The following FHIT variants were observed in gnomAD, a reference collection of about 807,000 sequenced individuals.
The protein encoded by FHIT is fragile histidine triad diadenosine triphosphatase, also known as bis(5'-adenosyl)-triphosphatase.
FHIT carries 19 observed loss-of-function variants against 17.9 expected under a neutral mutation model. The observed-to-expected ratio is 1.06, with a 90% CI of 0.74 to 1.56. The LOEUF (loss-of-function observed/expected upper bound fraction) is 1.56, where lower values mean the gene tolerates loss of function less well. Among genes scored for constraint, FHIT ranks in the 40% most tolerant of loss-of-function variants. The pLI, the probability that FHIT is intolerant of heterozygous loss-of-function variation, is 0.00. For missense variants in FHIT, 248 were observed against 189.2 expected, an observed-to-expected ratio of 1.31 and a Z score of -1.82; for synonymous variants, 81 against 69.7, an observed-to-expected ratio of 1.16 and a Z score of -0.81.
rs2036002814 is a variant in FHIT at position 60,536,890 on chromosome 3, G to A, written c.73C>T (p.Leu25Phe). 4 of 1,610,400 alleles carry A rather than the reference G, an allele frequency of 2.5e-6. No individual in the cohort carries two copies. The highest frequency in any genetic ancestry group is 2.2e-5 in the East Asian group (1 of 44,766). The stretch of plus-strand genomic sequence containing the variant: ...GGTACCACAGGTTTCCTATTCACAA[G>A]AGCGAAGGACAGTTCTGTTTTGAGA... ...VFLKTELSFALVNRKPVVPGH... is the reference protein window; with the variant it reads ...VFLKTELSFAFVNRKPVVPGH... The change falls in exon 5 of 10, where the codon CTT becomes TTT. Residue 25 changes from leucine (L) to phenylalanine (F), a missense_variant. By Grantham distance (22) the Leu-to-Phe change is conservative (BLOSUM62 0). Coordinates refer to ENST00000492590, the MANE Select transcript of FHIT (RefSeq NM_002012.4).
intron 5 of FHIT, among the ~76,000 whole-genome samples, chr3:60,297,970 G>T (rs1030625424): frequency 6.6e-6 from 1 of 152,058 alleles, no homozygotes; most frequent in Admixed American, 6.6e-5. Flanking sequence ...TCATGTTCAA[G>T]AAATTTGGTA....
intron 3 of FHIT, among the ~76,000 whole-genome samples, chr3:60,826,797 T>G (rs1383331065): frequency 9.0e-6 from 1 of 111,430 alleles, no homozygotes; most frequent in Admixed American, 9.1e-5. Flanking sequence ...AACACACATT[T>G]ACAGACAAAG....
chr3:60,243,140 G>A (rs1231690169), intron 5 of FHIT, among the ~76,000 whole-genome samples: 2 of 151,868 alleles, frequency 1.3e-5, no homozygotes, highest in Admixed American at 6.6e-5. Flanking sequence ...TTCGCCTTTG[G>A]GAGGGTGGTC....
intron 5 of FHIT, among the ~76,000 whole-genome samples, chr3:60,261,558 C>T (rs1026317621): frequency 4.6e-5 from 7 of 151,956 alleles, no homozygotes; most frequent in Admixed American, 3.9e-4. Context: ...TCAAGACATA[C>T]TAAAAAGAAA....
At chr3:61,158,631 T>C (rs2037600471) in intron 2 of FHIT, among the ~76,000 whole-genome samples, 1 of 120,408 alleles carries the variant, frequency 8.3e-6, no homozygotes, top group South Asian at 3.0e-4. Flanking sequence ...ACCTTTTCCA[T>C]TGCATTAATT....
At chr3:60,867,220 C>T (rs1240122861) in intron 3 of FHIT, among the ~76,000 whole-genome samples, 1 of 99,548 alleles carries the variant, frequency 1.0e-5, no homozygotes. Flanking sequence ...ACAGGTTTAC[C>T]CATAAACTAC....
At chr3:60,548,107 A>G (rs1464148654) in intron 4 of FHIT, among the ~76,000 whole-genome samples, 2 of 150,516 alleles carry the variant, frequency 1.3e-5, no homozygotes, top group African/African-American at 4.9e-5. Flanking sequence ...AGTGGATATA[A>G]AGCAGGCAGA....
chr3:59,810,746 A>G (rs1473209561), intron 8 of FHIT, among the ~76,000 whole-genome samples: 1 of 152,206 alleles, frequency 6.6e-6, no homozygotes, highest in Admixed American at 6.5e-5. Flanking sequence ...AAAGGTCAAC[A>G]GCACTATCGA....
At chr3:59,893,095 C>G (rs895309169) in intron 8 of FHIT, among the ~76,000 whole-genome samples, 1 of 152,214 alleles carries the variant, frequency 6.6e-6, no homozygotes, top group Non-Finnish European at 1.5e-5. Context: ...ATATTATTAT[C>G]TTTATGCTGC....
chr3:61,019,354 T>C (rs2107641657), intron 3 of FHIT, among the ~76,000 whole-genome samples: 1 of 152,350 alleles, frequency 6.6e-6, no homozygotes, highest in South Asian at 2.1e-4. Flanking sequence ...TATTTTCCTC[T>C]TGATGTCTTG....
At chr3:60,714,877 T>C (rs1333440889) in intron 4 of FHIT, among the ~76,000 whole-genome samples, 1 of 152,116 alleles carries the variant, frequency 6.6e-6, no homozygotes, top group Non-Finnish European at 1.5e-5. Context: ...ATTTATAGAT[T>C]CAATGTCATC....
At chr3:60,354,576 G>A (rs908548659) in intron 5 of FHIT, among the ~76,000 whole-genome samples, 31 of 152,204 alleles carry the variant, frequency 2.0e-4, no homozygotes, top group East Asian at 3.9e-4. Context: ...TAATAAGTCC[G>A]TGTTAAAAAG....
At chr3:60,673,697 A>T (rs907585783) in intron 4 of FHIT, among the ~76,000 whole-genome samples, 2 of 152,194 alleles carry the variant, frequency 1.3e-5, no homozygotes, top group African/African-American at 4.8e-5. Flanking sequence ...AATAAATTTA[A>T]ATTTAAAAAA....
intron 5 of FHIT, among the ~76,000 whole-genome samples, chr3:60,517,942 C>G (rs1339562999): frequency 1.3e-5 from 2 of 152,174 alleles, no homozygotes; most frequent in East Asian, 3.9e-4. Context: ...CCATTCTTTA[C>G]CTTCTTCAAG....
intron 5 of FHIT, among the ~76,000 whole-genome samples, chr3:60,238,596 GTACTT>G (rs1576353408): frequency 6.6e-6 from 1 of 152,212 alleles, no homozygotes; most frequent in East Asian, 1.9e-4. Flanking sequence ...CATGAGAATG[GTACTT>G]TAAAGATTAC....
chr3:60,728,704 T>TACACACACACAC (rs56012549), intron 4 of FHIT, among the ~76,000 whole-genome samples: 16 of 147,402 alleles, frequency 1.1e-4, no homozygotes, highest in African/African-American at 3.7e-4. Flanking sequence ...CACACACACA[T>TACACACACACAC]ACACACACAC....
chr3:60,085,564 C>A (rs1703460193), intron 5 of FHIT, among the ~76,000 whole-genome samples: 1 of 152,086 alleles, frequency 6.6e-6, no homozygotes, highest in African/African-American at 2.4e-5. Flanking sequence ...GAATGTTCTC[C>A]CAGAAAGTTT....
chr3:60,199,024 A>T (rs993080787), intron 5 of FHIT, among the ~76,000 whole-genome samples: 30 of 152,172 alleles, frequency 2.0e-4, no homozygotes, highest in Non-Finnish European at 2.1e-4. Context: ...TTGTTTTCTA[A>T]AGGAGTTGTC....
chr3:60,969,294 T>C (rs1052348233), intron 3 of FHIT, among the ~76,000 whole-genome samples: 4 of 152,154 alleles, frequency 2.6e-5, no homozygotes, highest in Non-Finnish European at 5.9e-5. Context: ...TGTTCAAATT[T>C]ACTGGCATAA....
Sources: gnomAD v4.1 joint callset for allele counts (sites outside exome capture counted in the v4.1 genomes callset) on GRCh38, gnomAD v4.1.1 for gene constraint, MANE v1.5 for transcripts, NCBI Gene and HGNC (gene_info 2026-07-23, HGNC 2026-07-21) for gene names.